The following ASTN1 variants were observed in gnomAD, a reference collection of about 807,000 sequenced individuals.
ASTN1 encodes astrotactin-1.
A neutral mutation model predicts 140.7 loss-of-function variants in ASTN1; 41 were observed. The ratio of observed to expected loss-of-function variants is 0.29; its 90% CI spans 0.23 to 0.38. The LOEUF is 0.38. Ranked by LOEUF, ASTN1 falls within the 10% of genes least tolerant of loss-of-function variation. ASTN1 has a pLI of 1.00. For missense variants in ASTN1, 1,479 were observed against 1,678.8 expected, an observed-to-expected ratio of 0.88 and a Z score of 2.08; for synonymous variants, 640 against 652.2, an observed-to-expected ratio of 0.98 and a Z score of 0.29.
intron 1 of ASTN1, among the ~76,000 whole-genome samples, chr1:177,147,281 G>C (rs1042501505): frequency 6.6e-6 from 1 of 152,136 alleles, no homozygotes; most frequent in Non-Finnish European, 1.5e-5. Context: ...GGAACACTTA[G>C]AAGGCTTCCC....
intron 1 of ASTN1, among the ~76,000 whole-genome samples, chr1:177,112,622 C>T (rs1246817706): frequency 6.6e-6 from 1 of 152,198 alleles, no homozygotes; most frequent in African/African-American, 2.4e-5. Context: ...CCCAAACAGG[C>T]ATCTCTTTTC....
intron 2 of ASTN1, among the ~76,000 whole-genome samples, chr1:177,056,295 T>A (rs896297890): frequency 2.6e-5 from 4 of 152,154 alleles, no homozygotes; most frequent in African/African-American, 9.7e-5. Flanking sequence ...CTCTTTTGTC[T>A]CCAAATCTTG....
intron 1 of ASTN1, among the ~76,000 whole-genome samples, chr1:177,108,505 C>A (rs1680661178): frequency 6.6e-6 from 1 of 152,080 alleles, no homozygotes. Context: ...CAAGGTTTCT[C>A]CATAGTGTAA....
At position 176,992,247 on chromosome 1, in the gene ASTN1, T is replaced by C. The variant is rs372757465; in HGVS notation, c.1523+22544A>G. On this transcript the variant is annotated intron_variant, in intron 8 of 22. Coordinates refer to ENST00000361833, the MANE Select transcript of ASTN1 (RefSeq NM_004319.3). The stretch of plus-strand genomic sequence containing the variant: ...GCAGGGACCCAACAAATGGCAGCTA[T>C]TTCTGCTACCAATAGGAACATTTCC... Among the ~76,000 whole-genome samples the C allele has an allele frequency of 1.9e-3, 285 of 152,286 alleles. 3 individuals are homozygous for C. Among genetic ancestry groups the C allele is most frequent in the African/African-American group, 6.3e-3 (262 of 41,558 alleles).
intron 8 of ASTN1, among the ~76,000 whole-genome samples, chr1:176,996,364 T>C (rs1182713456): frequency 6.6e-6 from 1 of 151,798 alleles, no homozygotes; most frequent in Non-Finnish European, 1.5e-5. Context: ...TCTAACTTTA[T>C]AGCAGATTCC....
At chr1:176,921,625 C>A (rs566620960) in intron 16 of ASTN1, among the ~76,000 whole-genome samples, 15 of 152,360 alleles carry the variant, frequency 9.8e-5, no homozygotes, top group Non-Finnish European at 1.3e-4. Flanking sequence ...ACAAATGCAT[C>A]TAACCCAGGT....
chr1:177,033,241 T>C (rs1676541875), intron 2 of ASTN1, among the ~76,000 whole-genome samples: 1 of 151,766 alleles, frequency 6.6e-6, no homozygotes, highest in African/African-American at 2.4e-5. Flanking sequence ...CAGGACTTTA[T>C]TTTTTTTAGC....
At chr1:177,141,513 T>C (rs1222631877) in intron 1 of ASTN1, among the ~76,000 whole-genome samples, 1 of 152,186 alleles carries the variant, frequency 6.6e-6, no homozygotes, top group African/African-American at 2.4e-5. Flanking sequence ...TTCATTCCTC[T>C]CTGTATTTTT....
chr1:176,887,858 A>G (rs1571460411), intron 18 of ASTN1, among the ~76,000 whole-genome samples: 1 of 152,082 alleles, frequency 6.6e-6, no homozygotes, highest in Non-Finnish European at 1.5e-5. Flanking sequence ...CCCTCTTCAC[A>G]CTTTCTTTAA....
Position 177,140,383 on chromosome 1 carries a change from T to G in ASTN1, c.283+24011A>C, listed in dbSNP as rs202103354. On this transcript the variant is annotated intron_variant, in intron 1 of 22. Coordinates refer to ENST00000361833, the MANE Select transcript of ASTN1 (RefSeq NM_004319.3). ...TAGCCCTGAGCCTCCTGTAACAGAA[T>G]GGACCCCTGATAAGTGTTTTATGGA... Among the ~76,000 whole-genome samples, 8 of 152,166 alleles carry G rather than the reference T, an allele frequency of 5.3e-5. No individual in the cohort carries two copies. In the East Asian group the frequency reaches 1.5e-3, roughly 29 times the overall value.
At chr1:177,128,701 T>G (rs906475960) in intron 1 of ASTN1, among the ~76,000 whole-genome samples, 2 of 152,186 alleles carry the variant, frequency 1.3e-5, no homozygotes, top group African/African-American at 4.8e-5. Flanking sequence ...TAGACAAGAA[T>G]CTAAAAGACT....
At chr1:176,894,855 C>G in intron 16 of ASTN1, 25 bp from the exon 17 acceptor site, 1 of 1,611,236 alleles carries the variant, frequency 6.2e-7, no homozygotes, top group Non-Finnish European at 8.5e-7. Flanking sequence ...TGGAAAGAAA[C>G]AGTGAAGGAG....
intron 1 of ASTN1, among the ~76,000 whole-genome samples, chr1:177,147,326 C>G (rs1049394976): frequency 7.9e-5 from 12 of 152,178 alleles, no homozygotes; most frequent in African/African-American, 2.7e-4. Flanking sequence ...TGGTACCAAG[C>G]TCAGCATACA....
At chr1:176,992,529 A>C (rs960479285) in intron 8 of ASTN1, among the ~76,000 whole-genome samples, 2 of 152,186 alleles carry the variant, frequency 1.3e-5, no homozygotes, top group Non-Finnish European at 2.9e-5. Context: ...ACTGACGTGA[A>C]GAAGCAAGCT....
In ASTN1 at chr1:176,903,277, T is replaced by TTC. The variant is rs138995649; in HGVS notation, c.2672-8449_2672-8448dup. 1.0e-3 allele frequency among the ~76,000 whole-genome samples: 151 copies of TTC among 150,324 alleles called. 1 individual carries two copies. Among genetic ancestry groups the TTC allele is most frequent in the African/African-American group, 2.7e-3 (112 of 41,034 alleles). Reference sequence around the variant, plus strand: ...TTTGCACACCCTATAAAGTGTTTCCTTCTCTCTCTCTCTCTCTCTCCCCAT... The same window carrying TTC: ...TTTGCACACCCTATAAAGTGTTTCCTTCTCTCTCTCTCTCTCTCTCTCCCCAT... On this transcript the variant is annotated intron_variant, in intron 16 of 22. Coordinates refer to ENST00000361833, the MANE Select transcript of ASTN1 (RefSeq NM_004319.3).
chr1:176,877,521 A>G (rs1668615294), intron 20 of ASTN1, among the ~76,000 whole-genome samples: 1 of 152,200 alleles, frequency 6.6e-6, no homozygotes, highest in South Asian at 2.1e-4. Flanking sequence ...GCCCCTTCCT[A>G]GAAGAAAATG....
At position 176,862,612 on chromosome 1, in the gene ASTN1, C is replaced by T; in HGVS notation, c.*1672G>A. On this transcript the variant is annotated 3_prime_UTR_variant, in exon 23 of 23. Coordinates refer to ENST00000361833, the MANE Select transcript of ASTN1 (RefSeq NM_004319.3). Reference sequence around the variant, plus strand: ...GATCCTGTGCCCTGGAGACCAACAGCCTGAAATCACACTGAAACTCAGTGT... The same window carrying T: ...GATCCTGTGCCCTGGAGACCAACAGTCTGAAATCACACTGAAACTCAGTGT... The T allele has an allele frequency of 1.0e-6, 1 of 977,842 alleles. No individual in the cohort carries two copies. The highest frequency in any genetic ancestry group is 1.2e-6 in the Non-Finnish European group (1 of 823,124). 60.6% of individuals were successfully genotyped at this position (977,842 alleles called of 1,614,324 possible). A position where few individuals can be genotyped will look rare whatever the true frequency, so the allele number is the denominator to read the frequency against.
At chr1:177,161,021 C>T (rs1647329777) in intron 1 of ASTN1, among the ~76,000 whole-genome samples, 1 of 152,154 alleles carries the variant, frequency 6.6e-6, no homozygotes, top group Admixed American at 6.5e-5. Flanking sequence ...ACAAAACATA[C>T]CTAAAAGTCA....
At position 176,863,781 on chromosome 1, in the gene ASTN1, CT is replaced by C. The variant is rs1668040833; in HGVS notation, c.*502del. ...CACCTTCCTCAATTTTCTATTGTCT[CT>C]CTCTGTGAGCAGGGCCAAGGCTCCC... On this transcript the variant is annotated 3_prime_UTR_variant, in exon 23 of 23. Coordinates refer to ENST00000361833, the MANE Select transcript of ASTN1 (RefSeq NM_004319.3). 10 of 988,466 alleles carry C rather than the reference CT, an allele frequency of 1.0e-5. No individual in the cohort carries two copies. Among genetic ancestry groups the C allele is most frequent in the Non-Finnish European group, 1.2e-5 (10 of 831,778 alleles). 61.2% of individuals were successfully genotyped at this position (988,466 alleles called of 1,614,324 possible).
Sources: allele counts gnomAD v4.1 joint callset (sites outside exome capture counted in the v4.1 genomes callset), GRCh38; gene constraint gnomAD v4.1.1; transcripts MANE v1.5; gene names NCBI Gene and HGNC (gene_info 2026-07-23, HGNC 2026-07-21).